NKAIN2: variants seen among roughly 807,000 people sequenced by gnomAD.
NKAIN2 encodes the protein sodium/potassium transporting ATPase interacting 2.
A neutral mutation model predicts 32.6 loss-of-function variants in NKAIN2; 14 were observed. The ratio of observed to expected loss-of-function variants is 0.43; its 90% confidence interval spans 0.28 to 0.67. The LOEUF (loss-of-function observed/expected upper bound fraction) is 0.67. Among genes scored for constraint, NKAIN2 ranks in the 30% least tolerant of loss-of-function variants. The pLI, the probability that NKAIN2 is intolerant of heterozygous loss-of-function variation, is 0.17. For synonymous variants in NKAIN2, 80 were observed against 87.2 expected, an observed-to-expected ratio of 0.92 and a Z score of 0.46; for missense variants, 198 against 258.3, an observed-to-expected ratio of 0.77 and a Z score of 1.60.
chr6:123,944,521 C>T (rs1314039079), intron 1 of NKAIN2, among the ~76,000 whole-genome samples: 2 of 152,050 alleles, frequency 1.3e-5, no homozygotes, highest in African/African-American at 4.8e-5. Flanking sequence ...GTTTGGAAAT[C>T]CTTACTGACA....
At chr6:123,883,380 C>T (rs62436092) in intron 1 of NKAIN2, among the ~76,000 whole-genome samples, 6 of 151,996 alleles carry the variant, frequency 3.9e-5, no homozygotes, top group East Asian at 1.9e-4. Context: ...CTCCTGACCT[C>T]GTGATTCACC....
chr6:124,449,433 G>A (rs1225805298), intron 3 of NKAIN2, among the ~76,000 whole-genome samples: 1 of 152,040 alleles, frequency 6.6e-6, no homozygotes, highest in Non-Finnish European at 1.5e-5. Flanking sequence ...ATAAGTAGAA[G>A]CAGTGGAGAA....
rs113296491 is a variant in NKAIN2 at position 124,698,226 on chromosome 6, G to C, written c.474+39840G>C. Among the ~76,000 whole-genome samples, 843 of 152,266 alleles carry C rather than the reference G, an allele frequency of 5.5e-3. 6 individuals are homozygous for C. Among genetic ancestry groups the C allele is most frequent in the African/African-American group, 0.019 (804 of 41,552 alleles). On this transcript the variant is annotated intron_variant, in intron 4 of 6. Coordinates refer to ENST00000368417, the MANE Select transcript of NKAIN2 (RefSeq NM_001040214.3). ...CAGTGTGGGCACTTCAGAGGGTTGT[G>C]CTATGAAAAAGCAATTAGCTTCTTG...
chr6:123,874,831 A>G (rs1195141346), intron 1 of NKAIN2, among the ~76,000 whole-genome samples: 1 of 152,100 alleles, frequency 6.6e-6, no homozygotes, highest in African/African-American at 2.4e-5. Flanking sequence ...CCACTGTCAG[A>G]AGACAACTGT....
At chr6:124,406,779 G>T (rs1396402790) in intron 3 of NKAIN2, among the ~76,000 whole-genome samples, 3 of 152,072 alleles carry the variant, frequency 2.0e-5, no homozygotes, top group African/African-American at 7.2e-5. Context: ...CAATAGGCAT[G>T]TAGTGCTATA....
chr6:124,647,576 CGTT>C (rs1562303577), intron 3 of NKAIN2, among the ~76,000 whole-genome samples: 1 of 146,402 alleles, frequency 6.8e-6, no homozygotes, highest in African/African-American at 2.5e-5. Context: ...GGTATAATGA[CGTT>C]ATTATAATAT....
At chr6:124,232,842 C>A (rs1792530864) in intron 1 of NKAIN2, among the ~76,000 whole-genome samples, 1 of 152,112 alleles carries the variant, frequency 6.6e-6, no homozygotes, top group Admixed American at 6.6e-5. Context: ...GTCTTCTAAA[C>A]TAAACTTTTT....
chr6:123,996,190 C>T (rs1212917713), intron 1 of NKAIN2, among the ~76,000 whole-genome samples: 1 of 151,986 alleles, frequency 6.6e-6, no homozygotes, highest in Non-Finnish European at 1.5e-5. Context: ...TTTCTTCTTC[C>T]TTTCCTTTTC....
rs79242768 is a variant in NKAIN2, at chr6:124,596,663, G to C, written c.274-61523G>C. ...GAGAAACAGAACAAATAAACCATAG[G>C]GTGTGTGTGTGTGTGTGTGTGTGTG... On this transcript the variant is annotated intron_variant, in intron 3 of 6. Coordinates refer to ENST00000368417, the MANE Select transcript of NKAIN2 (RefSeq NM_001040214.3). Among the ~76,000 whole-genome samples, 830 of 142,604 alleles carry C rather than the reference G, an allele frequency of 5.8e-3. 11 individuals are homozygous for C. The highest frequency in any genetic ancestry group is 0.021 in the African/African-American group (791 of 38,570). 93.6% of individuals were successfully genotyped at this position (142,604 alleles called of 152,430 possible).
At chr6:124,206,117 G>C (rs1002558562) in intron 1 of NKAIN2, among the ~76,000 whole-genome samples, 1 of 151,880 alleles carries the variant, frequency 6.6e-6, no homozygotes, top group African/African-American at 2.4e-5. Context: ...AAGTGTGTTT[G>C]AGTTCTTCCA....
chr6:123,999,447 C>T (rs71574842), intron 1 of NKAIN2, among the ~76,000 whole-genome samples: 4,073 of 152,126 alleles, frequency 0.027, 73 homozygotes, highest in Non-Finnish European at 0.044. Context: ...ATGTTTATTG[C>T]CACCGTAACT....
chr6:124,802,292 G>T (rs1414317869), intron 5 of NKAIN2, among the ~76,000 whole-genome samples: 8 of 152,166 alleles, frequency 5.3e-5, no homozygotes, highest in African/African-American at 1.9e-4. Flanking sequence ...TATTCTGGAT[G>T]TCAGCTGAGA....
At chr6:124,717,624 T>C (rs1583711296) in intron 4 of NKAIN2, among the ~76,000 whole-genome samples, 1 of 152,220 alleles carries the variant, frequency 6.6e-6, no homozygotes, top group East Asian at 1.9e-4. Flanking sequence ...TAAGCCTTAA[T>C]ATGTGTAGAC....
chr6:123,938,045 A>G (rs1484205135), intron 1 of NKAIN2, among the ~76,000 whole-genome samples: 1 of 74,254 alleles, frequency 1.3e-5, no homozygotes, highest in Non-Finnish European at 2.7e-5. Flanking sequence ...GAGTTGCTGA[A>G]CCGCTGATAG....
chr6:123,909,433 A>G (rs9401708), intron 1 of NKAIN2, among the ~76,000 whole-genome samples: 59,446 of 151,924 alleles, frequency 0.39, 12,033 homozygotes, highest in East Asian at 0.63. Flanking sequence ...AGAGGCTACA[A>G]GGCTCTACAC....
intron 2 of NKAIN2, among the ~76,000 whole-genome samples, chr6:124,303,107 A>G (rs1796360961): frequency 6.6e-6 from 1 of 152,348 alleles, no homozygotes; most frequent in Admixed American, 6.5e-5. Flanking sequence ...ATTATTTTGA[A>G]CACTATTAGA....
intron 3 of NKAIN2, among the ~76,000 whole-genome samples, chr6:124,577,143 G>A (rs999726827): frequency 6.6e-6 from 1 of 152,146 alleles, no homozygotes; most frequent in East Asian, 1.9e-4. Context: ...AGGAGATGGA[G>A]CAAGATGGCT....
intron 1 of NKAIN2, among the ~76,000 whole-genome samples, chr6:124,006,076 A>G (rs1057190286): frequency 1.3e-5 from 2 of 152,226 alleles, no homozygotes; most frequent in African/African-American, 2.4e-5. Flanking sequence ...TGCTTTAAAC[A>G]GTACTTATGT....
intron 1 of NKAIN2, among the ~76,000 whole-genome samples, chr6:123,981,901 G>A (rs1339693754): frequency 6.6e-6 from 1 of 152,104 alleles, no homozygotes; most frequent in African/African-American, 2.4e-5. Flanking sequence ...ATCTTACTAG[G>A]TTAGTATTTA....
Sources: gnomAD v4.1 joint callset for allele counts (sites outside exome capture counted in the v4.1 genomes callset) on GRCh38, gnomAD v4.1.1 for gene constraint, MANE v1.5 for transcripts, NCBI Gene and HGNC (gene_info 2026-07-23, HGNC 2026-07-21) for gene names.